HSD17B12: variants seen among roughly 807,000 people sequenced by gnomAD.
The protein encoded by HSD17B12 is very-long-chain 3-oxoacyl-CoA reductase.
A neutral mutation model predicts 39.3 loss-of-function variants in HSD17B12; 32 were observed. The ratio of observed to expected loss-of-function variants is 0.81; its 90% CI spans 0.61 to 1.09. The LOEUF (loss-of-function observed/expected upper bound fraction) is 1.09. Among genes scored for constraint, HSD17B12 ranks in the 50% least tolerant of loss-of-function variants. HSD17B12 has a pLI of 0.00. For synonymous variants in HSD17B12, 150 were observed against 146.7 expected, an observed-to-expected ratio of 1.02 and a Z score of -0.16; for missense variants, 342 against 382.9, an observed-to-expected ratio of 0.89 and a Z score of 0.89.
intron 1 of HSD17B12, among the ~76,000 whole-genome samples, chr11:43,687,124 A>G (rs768354827): frequency 2.0e-5 from 3 of 152,246 alleles, no homozygotes; most frequent in Non-Finnish European, 4.4e-5. Context: ...TTTGTAGATA[A>G]GGATAAGTTA....
chr11:43,823,750 T>A (rs1430478428), intron 6 of HSD17B12, among the ~76,000 whole-genome samples: 1 of 152,184 alleles, frequency 6.6e-6, no homozygotes, highest in Non-Finnish European at 1.5e-5. Context: ...AATGAATGAT[T>A]TTTTAAAAAC....
intron 3 of HSD17B12, among the ~76,000 whole-genome samples, chr11:43,780,268 C>T (rs776494346): frequency 1.2e-4 from 19 of 152,136 alleles, no homozygotes; most frequent in African/African-American, 4.1e-4. Flanking sequence ...TGAGTTCAAG[C>T]GATTCTCCTG....
intron 6 of HSD17B12, among the ~76,000 whole-genome samples, chr11:43,818,935 A>T (rs575944262): frequency 1.3e-5 from 2 of 152,278 alleles, no homozygotes; most frequent in East Asian, 3.9e-4. Flanking sequence ...TCTACAACGT[A>T]TATATTTTAT....
At chr11:43,584,110 G>A in the HSD17B12 span, among the ~76,000 whole-genome samples, 1 of 152,144 alleles carries the variant, frequency 6.6e-6, no homozygotes, top group Non-Finnish European at 1.5e-5. Context: ...ACCACACCCT[G>A]GGTGATCTGC....
intron 9 of HSD17B12, among the ~76,000 whole-genome samples, chr11:43,842,507 A>G (rs1239322174): frequency 6.6e-6 from 1 of 152,182 alleles, no homozygotes. Flanking sequence ...CCTGGATTTT[A>G]TACTAAATTA....
At chr11:43,594,327 A>G in the HSD17B12 span, among the ~76,000 whole-genome samples, 68 of 152,282 alleles carry the variant, frequency 4.5e-4, no homozygotes, top group Non-Finnish European at 7.2e-4. Flanking sequence ...TTGAAAATAT[A>G]CAGATTTGGA....
At chr11:43,733,669 C>T (rs1332658923) in intron 1 of HSD17B12, 1 of 453,772 alleles carries the variant, frequency 2.2e-6, no homozygotes, top group Non-Finnish European at 4.1e-6. Flanking sequence ...AAAAGCTAAT[C>T]TTTAGTAACT....
At chr11:43,708,972 G>GT (rs2134829806) in intron 1 of HSD17B12, among the ~76,000 whole-genome samples, 1 of 152,196 alleles carries the variant, frequency 6.6e-6, no homozygotes, top group South Asian at 2.1e-4. Context: ...TAAGCTAACT[G>GT]TGCCCTCCAG....
chr11:43,724,025 A>C (rs553469894), intron 1 of HSD17B12: 2 of 152,196 alleles, frequency 1.3e-5, no homozygotes, highest in African/African-American at 4.8e-5. Flanking sequence ...ACAGATTTTC[A>C]GATCACCCAG....
chr11:43,667,220 T>C, the HSD17B12 span, among the ~76,000 whole-genome samples: 1 of 152,296 alleles, frequency 6.6e-6, no homozygotes, highest in South Asian at 2.1e-4. Context: ...GGTGCAATCT[T>C]GGCTCATGGC....
rs528593323 is a variant in HSD17B12 at position 43,806,919 on chromosome 11, G to A, written c.391+8492G>A. ...TTATATGAATGTACCAAATTATCAC[G>A]TGTACCCTGAAAACTTGTACATTTA... is the stretch of plus-strand genomic sequence containing the variant. On this transcript the variant is annotated intron_variant, in intron 4 of 10. Transcript: ENST00000278353. Among the ~76,000 whole-genome samples the A allele has an allele frequency of 4.6e-5, 7 of 152,216 alleles. No homozygotes were observed. In the East Asian group the frequency reaches 7.7e-4, roughly 17 times the overall value.
intron 3 of HSD17B12, among the ~76,000 whole-genome samples, chr11:43,777,696 G>C (rs1317364215): frequency 1.3e-5 from 2 of 152,156 alleles, no homozygotes; most frequent in Non-Finnish European, 2.9e-5. Context: ...GTTTTCAAAG[G>C]GAATGCCTCC....
At chr11:43,651,609 T>C in the HSD17B12 span, among the ~76,000 whole-genome samples, 4 of 152,340 alleles carry the variant, frequency 2.6e-5, no homozygotes, top group Admixed American at 6.5e-5. Context: ...TGAGACAGTC[T>C]CGCTCTGTCG....
chr11:43,804,018 C>T (rs1397382617), intron 4 of HSD17B12, among the ~76,000 whole-genome samples: 6 of 152,020 alleles, frequency 3.9e-5, no homozygotes, highest in Admixed American at 3.3e-4. Context: ...CTCAGGGAGG[C>T]GTAATTTACC....
At chr11:43,820,596 C>T (rs1158417720) in intron 6 of HSD17B12, among the ~76,000 whole-genome samples, 2 of 152,174 alleles carry the variant, frequency 1.3e-5, no homozygotes. Flanking sequence ...ATCAGGGGAA[C>T]TGGGGCATGG....
chr11:43,751,033 T>C, intron 2 of HSD17B12, 76 bp downstream of exon 2: 1 of 1,004,436 alleles, frequency 1.0e-6, no homozygotes, highest in Non-Finnish European at 1.5e-6. Context: ...ATAGTAGTTT[T>C]GATTTTTGAA....
At chr11:43,661,460 A>G in the HSD17B12 span, among the ~76,000 whole-genome samples, 1 of 152,226 alleles carries the variant, frequency 6.6e-6, no homozygotes, top group South Asian at 2.1e-4. Context: ...GTGGACTAAG[A>G]AAAAAGTGTT....
At chr11:43,648,507 G>A in the HSD17B12 span, among the ~76,000 whole-genome samples, 7 of 152,038 alleles carry the variant, frequency 4.6e-5, no homozygotes, top group East Asian at 1.9e-4. Flanking sequence ...TGATTTGGCC[G>A]TTTCAGAAGA....
the HSD17B12 span, among the ~76,000 whole-genome samples, chr11:43,591,769 A>G: frequency 3.3e-5 from 5 of 152,010 alleles, no homozygotes; most frequent in African/African-American, 1.2e-4. Flanking sequence ...AACACTAAAG[A>G]TAATTTATCC....
Sources: gnomAD v4.1 joint callset for allele counts (sites outside exome capture counted in the v4.1 genomes callset) on GRCh38, gnomAD v4.1.1 for gene constraint, MANE v1.5 for transcripts, NCBI Gene and HGNC (gene_info 2026-07-23, HGNC 2026-07-21) for gene names.